The following CTNNA2 variants were observed in gnomAD, a reference collection of about 807,000 sequenced individuals.
CTNNA2 encodes the protein catenin alpha 2.
A neutral mutation model predicts 101.0 loss-of-function variants in CTNNA2; 42 were observed. The ratio of observed to expected loss-of-function variants is 0.42; its 90% CI spans 0.32 to 0.54. CTNNA2 has a LOEUF of 0.54. CTNNA2 is among the 20% of genes least tolerant of loss of function. The pLI, the probability that CTNNA2 is intolerant of heterozygous loss-of-function variation, is 0.14. For synonymous variants in CTNNA2, 450 were observed against 456.4 expected, an observed-to-expected ratio of 0.99 and a Z score of 0.18; for missense variants, 871 against 1,223.1, an observed-to-expected ratio of 0.71 and a Z score of 4.29.
intron 11 of CTNNA2, among the ~76,000 whole-genome samples, chr2:80,546,985 G>A (rs763172422): frequency 5.3e-5 from 8 of 152,178 alleles, no homozygotes; most frequent in Non-Finnish European, 8.8e-5. Flanking sequence ...ATGACCTGCT[G>A]GTTCTTGGCT....
rs1435307318 is a variant in CTNNA2 at position 79,982,369 on chromosome 2, A to ATATAACC, written c.1056+72576_1056+72577insACCTATA. Among the ~76,000 whole-genome samples the ATATAACC allele has an allele frequency of 1.2e-4, 14 of 114,652 alleles. No homozygotes were observed. The East Asian group carries it at 2.5e-3, about 21-fold the overall frequency. 75.2% of individuals were successfully genotyped at this position (114,652 alleles called of 152,430 possible). A position where few individuals can be genotyped will look rare whatever the true frequency, so the allele number is the denominator to read the frequency against. The stretch of plus-strand genomic sequence containing the variant: ...ATAACCTATATAACCTATATAACAT[A>ATATAACC]TATATAACATATATAACATATATAA... On this transcript the variant is annotated intron_variant, in intron 7 of 18. Transcript: ENST00000402739.
At chr2:80,036,004 T>C (rs1216925195) in intron 7 of CTNNA2, among the ~76,000 whole-genome samples, 1 of 152,222 alleles carries the variant, frequency 6.6e-6, no homozygotes, top group Admixed American at 6.5e-5. Flanking sequence ...GCAAGTCTTT[T>C]GATTCAGTCC....
At chr2:80,146,242 A>G (rs565535217) in intron 7 of CTNNA2, among the ~76,000 whole-genome samples, 1 of 152,310 alleles carries the variant, frequency 6.6e-6, no homozygotes, top group African/African-American at 2.4e-5. Context: ...TAACACGTGG[A>G]GCATAGATTA....
At chr2:79,429,109 A>G (rs1187052360) in intron 4 of CTNNA2, among the ~76,000 whole-genome samples, 2 of 152,178 alleles carry the variant, frequency 1.3e-5, no homozygotes, top group African/African-American at 2.4e-5. Context: ...ACAATAGACT[A>G]TCAAGCTAGA....
At chr2:79,623,383 C>T (rs1409662044) in intron 1 of CTNNA2, among the ~76,000 whole-genome samples, 1 of 152,128 alleles carries the variant, frequency 6.6e-6, no homozygotes, top group Non-Finnish European at 1.5e-5. Context: ...ACAATTTTAA[C>T]CAGTCACTTT....
At chr2:80,626,627 C>G (rs1439338800) in intron 18 of CTNNA2, among the ~76,000 whole-genome samples, 1 of 151,980 alleles carries the variant, frequency 6.6e-6, no homozygotes, top group Non-Finnish European at 1.5e-5. Flanking sequence ...GCAACCAAGA[C>G]AGGATGCTAA....
At chr2:79,324,827 T>G (rs757452278) in intron 3 of CTNNA2, among the ~76,000 whole-genome samples, 43 of 152,280 alleles carry the variant, frequency 2.8e-4, no homozygotes, top group Non-Finnish European at 5.6e-4. Context: ...CACCACTTCC[T>G]GTCCATTCCT....
At chr2:79,443,928 C>A (rs995596968) in intron 4 of CTNNA2, among the ~76,000 whole-genome samples, 3 of 151,662 alleles carry the variant, frequency 2.0e-5, no homozygotes, top group Non-Finnish European at 4.4e-5. Context: ...CTCTCTCTCT[C>A]TCTCTCTCTC....
intron 9 of CTNNA2, among the ~76,000 whole-genome samples, chr2:80,459,221 C>G (rs1054669636): frequency 2.0e-5 from 3 of 152,190 alleles, no homozygotes; most frequent in Admixed American, 2.0e-4. Flanking sequence ...AGAAGGTATT[C>G]CTACTCAGTG....
chr2:79,562,766 C>G (rs1674858034), intron 1 of CTNNA2, among the ~76,000 whole-genome samples: 1 of 151,958 alleles, frequency 6.6e-6, no homozygotes, highest in African/African-American at 2.4e-5. Context: ...GAAACTTGCT[C>G]TGTTGAACAG....
chr2:79,258,253 G>A (rs1011918049), intron 2 of CTNNA2, among the ~76,000 whole-genome samples: 5 of 152,124 alleles, frequency 3.3e-5, no homozygotes, highest in Non-Finnish European at 5.9e-5. Context: ...GAAGCATGAA[G>A]CAATTTATAA....
chr2:80,134,684 A>C (rs566311967), intron 7 of CTNNA2, among the ~76,000 whole-genome samples: 2 of 152,284 alleles, frequency 1.3e-5, no homozygotes, highest in Admixed American at 1.3e-4. Context: ...TCTGCCAAAA[A>C]GCCACCACCC....
intron 7 of CTNNA2, among the ~76,000 whole-genome samples, chr2:79,976,204 A>G (rs1690829206): frequency 6.6e-6 from 1 of 152,200 alleles, no homozygotes; most frequent in African/African-American, 2.4e-5. Flanking sequence ...ATCTGTGGGC[A>G]TGTGTCTGTA....
chr2:80,296,490 A>T (rs1675754164), intron 7 of CTNNA2, among the ~76,000 whole-genome samples: 1 of 152,198 alleles, frequency 6.6e-6, no homozygotes, highest in South Asian at 2.1e-4. Context: ...TTTGAGAAGC[A>T]TGTGTTAACT....
chr2:79,241,414 G>A (rs1439005162), intron 2 of CTNNA2, among the ~76,000 whole-genome samples: 3 of 152,298 alleles, frequency 2.0e-5, no homozygotes, highest in African/African-American at 7.2e-5. Flanking sequence ...TCACTAGGCA[G>A]AATGCTGTCA....
intron 3 of CTNNA2, among the ~76,000 whole-genome samples, chr2:79,323,605 T>C (rs372688289): frequency 1.8e-4 from 28 of 152,296 alleles, no homozygotes; most frequent in Admixed American, 6.5e-4. Flanking sequence ...TGTTACCTTC[T>C]TCATGTTGCC....
rs916432063 is a variant in CTNNA2 at position 80,004,708 on chromosome 2, T to C, written c.1056+94911T>C. Among the ~76,000 whole-genome samples, 115 of 133,830 alleles carry C rather than the reference T, an allele frequency of 8.6e-4. 1 individual carries two copies. Among genetic ancestry groups the C allele is most frequent in the African/African-American group, 3.0e-3 (111 of 36,896 alleles). 87.8% of individuals were successfully genotyped at this position (133,830 alleles called of 152,430 possible). ...TTATTTATTTATTTATTTATTTATT[T>C]ATCCATCCATCCGAGATGGAGTCTT... On this transcript the variant is annotated intron_variant, in intron 7 of 18. Coordinates refer to ENST00000402739, the MANE Select transcript of CTNNA2 (RefSeq NM_001282597.3).
intron 2 of CTNNA2, among the ~76,000 whole-genome samples, chr2:79,203,606 T>G (rs1674064901): frequency 6.6e-6 from 1 of 152,206 alleles, no homozygotes; most frequent in Non-Finnish European, 1.5e-5. Context: ...GAAGCATGTA[T>G]GATAGACAAT....
chr2:80,334,647 A>T (rs1052578843), intron 7 of CTNNA2, among the ~76,000 whole-genome samples: 2 of 152,178 alleles, frequency 1.3e-5, no homozygotes, highest in African/African-American at 4.8e-5. Context: ...CTTATTTGTG[A>T]TTGCTTTGCC....
Sources: gnomAD v4.1 joint callset for allele counts (sites outside exome capture counted in the v4.1 genomes callset) on GRCh38, gnomAD v4.1.1 for gene constraint, MANE v1.5 for transcripts, NCBI Gene and HGNC (gene_info 2026-07-23, HGNC 2026-07-21) for gene names.